The following CHRM2 variants were observed in gnomAD, a reference collection of about 807,000 sequenced individuals.
CHRM2 encodes muscarinic acetylcholine receptor M2.
In CHRM2, 8 loss-of-function variants were observed where a neutral mutation model predicts 25.0. The observed-to-expected ratio is 0.32, with a 90% CI of 0.19 to 0.58. The LOEUF (loss-of-function observed/expected upper bound fraction) is 0.58. Among genes scored for constraint, CHRM2 ranks in the 20% least tolerant of loss-of-function variants. The pLI is 0.88. For synonymous variants in CHRM2, 202 were observed against 205.7 expected, an observed-to-expected ratio of 0.98 and a Z score of 0.15; for missense variants, 440 against 567.1, an observed-to-expected ratio of 0.78 and a Z score of 2.28.
At chr7:136,945,354 T>G (rs530011014) in intron 2 of CHRM2, among the ~76,000 whole-genome samples, 1 of 152,304 alleles carries the variant, frequency 6.6e-6, no homozygotes, top group South Asian at 2.1e-4. Context: ...ATAATTTTTA[T>G]GATTTCAGAT....
At chr7:136,877,328 G>T (rs1020408273) in intron 2 of CHRM2, among the ~76,000 whole-genome samples, 11 of 151,942 alleles carry the variant, frequency 7.2e-5, no homozygotes, top group South Asian at 4.1e-4. Context: ...TGTTTAGATG[G>T]GACACAGTCC....
At chr7:136,922,828 A>T (rs1488928455) in intron 2 of CHRM2, among the ~76,000 whole-genome samples, 1 of 152,090 alleles carries the variant, frequency 6.6e-6, no homozygotes, top group Non-Finnish European at 1.5e-5. Flanking sequence ...CTTTCTTTGC[A>T]TTTTTATGCT....
chr7:136,902,022 CTTAG>C (rs1797239791), intron 2 of CHRM2: 1 of 151,930 alleles, frequency 6.6e-6, no homozygotes, highest in Non-Finnish European at 1.5e-5. Flanking sequence ...AAATGATAAG[CTTAG>C]TTAAATTGTA....
chr7:136,901,399 T>C (rs1797198374), intron 2 of CHRM2, among the ~76,000 whole-genome samples: 3 of 152,152 alleles, frequency 2.0e-5, no homozygotes, highest in Middle Eastern at 6.8e-3. Flanking sequence ...TAGGCAAATT[T>C]GAAAATAGAC....
At chr7:136,960,597 A>G (rs534658488) in intron 2 of CHRM2, among the ~76,000 whole-genome samples, 1 of 152,368 alleles carries the variant, frequency 6.6e-6, no homozygotes, top group South Asian at 2.1e-4. Context: ...TAAGTTGTAG[A>G]GTAACTGCTA....
At chr7:136,979,239 A>C (rs1802317230) in intron 2 of CHRM2, among the ~76,000 whole-genome samples, 1 of 152,288 alleles carries the variant, frequency 6.6e-6, no homozygotes, top group East Asian at 1.9e-4. Flanking sequence ...TGGCTGCATA[A>C]GTGTCTTCTT....
At chr7:136,945,311 A>G (rs1800009120) in intron 2 of CHRM2, among the ~76,000 whole-genome samples, 1 of 152,086 alleles carries the variant, frequency 6.6e-6, no homozygotes, top group South Asian at 2.1e-4. Context: ...GCCTAAGCCA[A>G]TGTCTAGAAG....
At chr7:136,872,610 G>T (rs1795884868) in intron 2 of CHRM2, among the ~76,000 whole-genome samples, 1 of 152,160 alleles carries the variant, frequency 6.6e-6, no homozygotes, top group Non-Finnish European at 1.5e-5. Flanking sequence ...GAGATCCAAA[G>T]AAAACAGTCC....
At chr7:136,966,888 A>G (rs939365376) in intron 2 of CHRM2, among the ~76,000 whole-genome samples, 1 of 151,992 alleles carries the variant, frequency 6.6e-6, no homozygotes, top group African/African-American at 2.4e-5. Flanking sequence ...ATAATACAGG[A>G]AAGGTGAAAA....
In CHRM2 at chr7:137,020,153, C is replaced by T. The variant is rs1563133322; in HGVS notation, c.*3887C>T. On this transcript the variant is annotated 3_prime_UTR_variant, in exon 4 of 4. Transcript: ENST00000680005. The stretch of plus-strand genomic sequence containing the variant: ...ATTTAATGTATCTTCCTGGAATATG[C>T]TATGTGCTAAATATATATATATTCT... 6.9e-6 allele frequency: 1 copy of T among 144,338 alleles called. No individual in the cohort carries two copies. Among genetic ancestry groups the T allele is most frequent in the Non-Finnish European group, 1.6e-5 (1 of 63,670 alleles). 8.9% of individuals were successfully genotyped at this position (144,338 alleles called of 1,614,324 possible). A position where few individuals can be genotyped will look rare whatever the true frequency, so the allele number is the denominator to read the frequency against.
At chr7:137,012,011 C>G (rs926619826) in intron 3 of CHRM2, among the ~76,000 whole-genome samples, 2 of 152,022 alleles carry the variant, frequency 1.3e-5, no homozygotes, top group African/African-American at 4.8e-5. Context: ...CAGTGTTATT[C>G]ATTATTCTCC....
intron 2 of CHRM2, among the ~76,000 whole-genome samples, chr7:136,874,550 GCC>G (rs59842228): frequency 7.7e-6 from 1 of 129,270 alleles, no homozygotes; most frequent in Non-Finnish European, 1.6e-5. Flanking sequence ...CTTCCCCCAT[GCC>G]CTCCCTCTCT....
chr7:136,995,297 T>C (rs955106444), intron 3 of CHRM2, among the ~76,000 whole-genome samples: 2 of 152,022 alleles, frequency 1.3e-5, no homozygotes, highest in African/African-American at 4.8e-5. Context: ...TATACACAAA[T>C]ATACATACAC....
intron 2 of CHRM2, among the ~76,000 whole-genome samples, chr7:136,956,936 G>A (rs1414483281): frequency 6.6e-6 from 1 of 152,122 alleles, no homozygotes; most frequent in Non-Finnish European, 1.5e-5. Flanking sequence ...CACGCTTGAA[G>A]GCTACATGTG....
rs1057046558 is a variant in CHRM2, at chr7:136,868,743, C to G, written c.-532C>G. The G allele has an allele frequency of 1.5e-5, 2 of 131,760 alleles. No individual in the cohort carries two copies. Among genetic ancestry groups the G allele is most frequent in the African/African-American group, 5.9e-5 (2 of 33,844 alleles). The allele number at this position is 131,760 out of a possible 1,614,324, so 8.2% of individuals were successfully genotyped here. A position where few individuals can be genotyped will look rare whatever the true frequency, so the allele number is the denominator to read the frequency against. The stretch of plus-strand genomic sequence containing the variant: ...GGCGCAAAGACCTAGGGAGCGCGCG[C>G]GGGCACACACACACACACACACACA... On this transcript the variant is annotated 5_prime_UTR_variant, in exon 1 of 4. Transcript: ENST00000680005.
At chr7:136,938,662 G>A in intron 2 of CHRM2, 1 of 809,148 alleles carries the variant, frequency 1.2e-6, no homozygotes, top group South Asian at 1.4e-5. Flanking sequence ...CACTCGTGCA[G>A]GAGCGGCTGC....
At chr7:136,903,543 AT>A (rs1797357128) in intron 2 of CHRM2, among the ~76,000 whole-genome samples, 1 of 152,010 alleles carries the variant, frequency 6.6e-6, no homozygotes, top group African/African-American at 2.4e-5. Context: ...TAAGTAAAAT[AT>A]TTGTTTGTGA....
At chr7:136,981,698 G>A (rs7809341) in intron 2 of CHRM2, among the ~76,000 whole-genome samples, 91,418 of 151,922 alleles carry the variant, frequency 0.6, 28,504 homozygotes, top group Non-Finnish European at 0.68. Context: ...CCTTAATTTC[G>A]CTATTTACCC....
chr7:136,875,238 G>A (rs1002877291), intron 2 of CHRM2, among the ~76,000 whole-genome samples: 12 of 151,410 alleles, frequency 7.9e-5, no homozygotes, highest in East Asian at 1.9e-4. Flanking sequence ...ACACACACGC[G>A]TGAGAAAGAA....
Sources: allele counts gnomAD v4.1 joint callset (sites outside exome capture counted in the v4.1 genomes callset), GRCh38; gene constraint gnomAD v4.1.1; transcripts MANE v1.5; gene names NCBI Gene and HGNC (gene_info 2026-07-23, HGNC 2026-07-21).